The following NUMB variants were observed in gnomAD, a reference collection of about 807,000 sequenced individuals.
NUMB encodes NUMB endocytic adaptor protein, also known as protein numb homolog.
Under a neutral mutation model 59.7 loss-of-function variants are expected in NUMB, and 29 were observed. The ratio of observed to expected loss-of-function variants is 0.49; its 90% CI spans 0.36 to 0.66. The LOEUF is 0.66. NUMB is among the 30% of genes least tolerant of loss of function. The pLI, the probability that NUMB is intolerant of heterozygous loss-of-function variation, is 0.00. For synonymous variants in NUMB, 288 were observed against 288.2 expected, an observed-to-expected ratio of 1.00 and a Z score of 0.01; for missense variants, 723 against 822.0, an observed-to-expected ratio of 0.88 and a Z score of 1.47.
intron 1 of NUMB, among the ~76,000 whole-genome samples, chr14:73,434,093 C>CA (rs1045115889): frequency 2.9e-4 from 43 of 150,042 alleles, no homozygotes; most frequent in Admixed American, 1.4e-3. Flanking sequence ...GACTCTGTCT[C>CA]AAAAAAAAAG....
chr14:73,312,989 T>C (rs1890858872), intron 6 of NUMB, among the ~76,000 whole-genome samples: 1 of 149,836 alleles, frequency 6.7e-6, no homozygotes, highest in Non-Finnish European at 1.5e-5. Flanking sequence ...TAGTGGTATG[T>C]CTTTTTTTTT....
rs543075531 is a variant in NUMB at position 73,395,611 on chromosome 14, ACTCT to A, written c.-101+14322_-101+14325del. Among the ~76,000 whole-genome samples, 18 of 152,214 alleles carry A rather than the reference ACTCT, an allele frequency of 1.2e-4. No homozygotes were observed. In the South Asian group the frequency reaches 3.5e-3, roughly 30 times the overall value. On this transcript the variant is annotated intron_variant, in intron 2 of 12. Coordinates refer to ENST00000555238, the MANE Select transcript of NUMB (RefSeq NM_001005743.2). ...ACTCCAGCCTGGGTGGCAGAGCGAG[ACTCT>A]GTCTGTAAAATAATAAAATATTAAA...
intron 2 of NUMB, among the ~76,000 whole-genome samples, chr14:73,386,241 G>A (rs1395241862): frequency 6.6e-6 from 1 of 152,008 alleles, no homozygotes; most frequent in Non-Finnish European, 1.5e-5. Context: ...ATAGTGAGAT[G>A]CCATCTCAAA....
At chr14:73,440,941 GA>G (rs558632543) in intron 1 of NUMB, among the ~76,000 whole-genome samples, 1,137 of 93,638 alleles carry the variant, frequency 0.012, 5 homozygotes, top group South Asian at 0.05. Context: ...GTCTAAAAAA[GA>G]AAAAAAAAAA....
chr14:73,381,189 T>C (rs1895222196), intron 2 of NUMB, among the ~76,000 whole-genome samples: 1 of 152,174 alleles, frequency 6.6e-6, no homozygotes, highest in Admixed American at 6.5e-5. Context: ...GCATTCCACA[T>C]TGTCTTTAAT....
At chr14:73,370,630 T>C (rs775380082) in intron 2 of NUMB, among the ~76,000 whole-genome samples, 26 of 151,608 alleles carry the variant, frequency 1.7e-4, no homozygotes, top group Non-Finnish European at 3.7e-4. Context: ...AGGCGGAGGT[T>C]GCGATGAGCC....
intron 2 of NUMB, among the ~76,000 whole-genome samples, chr14:73,402,706 C>T (rs1439256406): frequency 6.6e-6 from 1 of 152,168 alleles, no homozygotes; most frequent in Admixed American, 6.5e-5. Context: ...TTATTAATTC[C>T]ATTTTACAGA....
At chr14:73,369,781 C>G (rs1420801156) in intron 2 of NUMB, among the ~76,000 whole-genome samples, 1 of 152,156 alleles carries the variant, frequency 6.6e-6, no homozygotes, top group Non-Finnish European at 1.5e-5. Context: ...AAGTGTAGAG[C>G]TCAATTACTT....
intron 2 of NUMB, among the ~76,000 whole-genome samples, chr14:73,398,561 A>G (rs1273947136): frequency 3.2e-4 from 48 of 152,006 alleles, no homozygotes; most frequent in Admixed American, 3.2e-3. Context: ...AAATATCTAC[A>G]GCAAATATAT....
intron 2 of NUMB, among the ~76,000 whole-genome samples, chr14:73,367,599 C>T (rs1246061092): frequency 6.6e-6 from 1 of 151,420 alleles, no homozygotes; most frequent in African/African-American, 2.4e-5. Flanking sequence ...CATAGGGAAA[C>T]CTCGCCTCTA....
chr14:73,356,327 A>G (rs1299481864), intron 3 of NUMB, among the ~76,000 whole-genome samples: 2 of 152,250 alleles, frequency 1.3e-5, no homozygotes, highest in Non-Finnish European at 2.9e-5. Context: ...GATGTCATGA[A>G]GAATAAAATA....
intron 4 of NUMB, among the ~76,000 whole-genome samples, chr14:73,350,078 T>TACATACATAC (rs1555373557): frequency 1.5e-5 from 2 of 137,698 alleles, no homozygotes; most frequent in Non-Finnish European, 3.1e-5. Flanking sequence ...CATACATACA[T>TACATACATAC]ACACACACAC....
chr14:73,284,863 T>C (rs757699761), intron 9 of NUMB: 1 of 152,272 alleles, frequency 6.6e-6, no homozygotes. Context: ...TATTTATTGT[T>C]TGAGATGCAG....
intron 2 of NUMB, among the ~76,000 whole-genome samples, chr14:73,389,405 C>T (rs1895734890): frequency 6.6e-6 from 1 of 151,264 alleles, no homozygotes; most frequent in Non-Finnish European, 1.5e-5. Flanking sequence ...CCACTGCAAT[C>T]TTTGTCTCCC....
chr14:73,292,072 T>G (rs1190019619), intron 8 of NUMB, among the ~76,000 whole-genome samples: 1 of 152,104 alleles, frequency 6.6e-6, no homozygotes, highest in Non-Finnish European at 1.5e-5. Flanking sequence ...AAGGTCTCAC[T>G]CTGTCACCCA....
chr14:73,352,496 A>G (rs1237794367), intron 4 of NUMB, among the ~76,000 whole-genome samples: 648 of 10,124 alleles, frequency 0.064, 144 homozygotes, highest in African/African-American at 0.28. Flanking sequence ...ATATATATAT[A>G]TATATATATA....
At chr14:73,449,974 C>T (rs996137865) in intron 1 of NUMB, among the ~76,000 whole-genome samples, 1 of 152,200 alleles carries the variant, frequency 6.6e-6, no homozygotes, top group Admixed American at 6.5e-5. Context: ...AGATGTGAGC[C>T]ACCGCGCCCA....
At chr14:73,290,985 G>A (rs1243480479) in intron 8 of NUMB, among the ~76,000 whole-genome samples, 1 of 152,080 alleles carries the variant, frequency 6.6e-6, no homozygotes, top group African/African-American at 2.4e-5. Context: ...CATAAAGAAT[G>A]AAATTATTCT....
intron 6 of NUMB, chr14:73,299,049 T>C (rs1274541884): frequency 6.6e-6 from 1 of 152,208 alleles, no homozygotes; most frequent in African/African-American, 2.4e-5. Flanking sequence ...TTTTTCTTGA[T>C]GCTTAGGTAG....
Sources: allele counts gnomAD v4.1 joint callset (sites outside exome capture counted in the v4.1 genomes callset), GRCh38; gene constraint gnomAD v4.1.1; transcripts MANE v1.5; gene names NCBI Gene and HGNC (gene_info 2026-07-23, HGNC 2026-07-21).